The following SH3RF3 variants were observed in gnomAD, a reference collection of about 807,000 sequenced individuals.
SH3RF3 encodes the protein SH3 domain containing ring finger 3.
In SH3RF3, 29 loss-of-function variants were observed where a neutral mutation model predicts 66.3. The ratio of observed to expected loss-of-function variants is 0.44; its 90% CI spans 0.33 to 0.60. The LOEUF (loss-of-function observed/expected upper bound fraction) is 0.60. SH3RF3 is among the 20% of genes least tolerant of loss of function. The pLI is 0.04. For synonymous variants in SH3RF3, 583 were observed against 532.0 expected (o/e 1.10, Z -1.32); for missense variants, 1,194 against 1,190.9 (o/e 1.00, Z -0.04).
chr2:109,379,483 C>T (rs1272571712), intron 3 of SH3RF3, among the ~76,000 whole-genome samples: 1 of 152,194 alleles, frequency 6.6e-6, no homozygotes, highest in Non-Finnish European at 1.5e-5. Context: ...ACAGATGTGG[C>T]CGCTGCTTCT....
chr2:109,473,703 C>T (rs937642186), intron 8 of SH3RF3, among the ~76,000 whole-genome samples: 5 of 151,910 alleles, frequency 3.3e-5, no homozygotes, highest in African/African-American at 9.7e-5. Context: ...CTGCCGTGCC[C>T]AGCTCACTCA....
At chr2:109,159,348 C>T (rs916809950) in intron 1 of SH3RF3, among the ~76,000 whole-genome samples, 2 of 152,208 alleles carry the variant, frequency 1.3e-5, no homozygotes, top group Non-Finnish European at 2.9e-5. Flanking sequence ...CCTGCCCTGC[C>T]CAGCCCCAGG....
intron 1 of SH3RF3, among the ~76,000 whole-genome samples, chr2:109,290,231 C>G (rs927939069): frequency 6.6e-6 from 1 of 152,198 alleles, no homozygotes; most frequent in Non-Finnish European, 1.5e-5. Flanking sequence ...CACATCACAT[C>G]ATTCCTTCTC....
At chr2:109,480,637 G>T (rs529271297) in intron 8 of SH3RF3, among the ~76,000 whole-genome samples, 11 of 152,252 alleles carry the variant, frequency 7.2e-5, no homozygotes, top group African/African-American at 2.4e-4. Flanking sequence ...GGAGGAGGAG[G>T]AGGAGGATGG....
chr2:109,235,346 A>T (rs574370555), intron 1 of SH3RF3, among the ~76,000 whole-genome samples: 14 of 152,162 alleles, frequency 9.2e-5, no homozygotes, highest in Non-Finnish European at 2.1e-4. Flanking sequence ...AGGGATCTCT[A>T]AGGGCCACTA....
At chr2:109,394,989 C>T (rs1295755100) in intron 3 of SH3RF3, among the ~76,000 whole-genome samples, 3 of 152,238 alleles carry the variant, frequency 2.0e-5, no homozygotes, top group East Asian at 3.9e-4. Flanking sequence ...TGTGTGTGGC[C>T]GGTGAGGGTC....
intron 1 of SH3RF3, among the ~76,000 whole-genome samples, chr2:109,173,583 C>A (rs986444821): frequency 6.6e-6 from 1 of 152,146 alleles, no homozygotes; most frequent in Non-Finnish European, 1.5e-5. Context: ...GCGGGGAAGG[C>A]CACACAGACC....
intron 1 of SH3RF3, among the ~76,000 whole-genome samples, chr2:109,298,515 A>G (rs867015010): frequency 6.6e-6 from 1 of 152,102 alleles, no homozygotes; most frequent in Non-Finnish European, 1.5e-5. Flanking sequence ...ACTTTGCTCC[A>G]GGTGGTGAGC....
chr2:109,130,773 T>C (rs573097353), intron 1 of SH3RF3, among the ~76,000 whole-genome samples: 6 of 152,276 alleles, frequency 3.9e-5, no homozygotes, highest in African/African-American at 1.4e-4. Flanking sequence ...ATATTTATTA[T>C]TATTATTTTT....
chr2:109,150,083 C>T (rs539756228), intron 1 of SH3RF3, among the ~76,000 whole-genome samples: 7 of 152,298 alleles, frequency 4.6e-5, no homozygotes, highest in African/African-American at 1.4e-4. Context: ...GATGCCAGTG[C>T]TGGGGTGAGC....
chr2:109,365,886 G>A (rs1421125640), intron 2 of SH3RF3, among the ~76,000 whole-genome samples: 4 of 152,154 alleles, frequency 2.6e-5, no homozygotes, highest in African/African-American at 9.7e-5. Context: ...CAAAAGAAAA[G>A]TATATTTTTG....
chr2:109,287,148 T>TA (rs1240651125), intron 1 of SH3RF3, among the ~76,000 whole-genome samples: 2 of 152,184 alleles, frequency 1.3e-5, no homozygotes, highest in African/African-American at 2.4e-5. Context: ...TGTCCAGAGA[T>TA]AAAAAAGACC....
chr2:109,456,273 C>T (rs1016530034), intron 8 of SH3RF3, among the ~76,000 whole-genome samples: 18 of 152,306 alleles, frequency 1.2e-4, no homozygotes, highest in Admixed American at 5.2e-4. Flanking sequence ...CTGGGAGCAC[C>T]GGCGACTCCA....
At chr2:109,498,228 C>G (rs898271844) in intron 9 of SH3RF3, among the ~76,000 whole-genome samples, 1 of 152,202 alleles carries the variant, frequency 6.6e-6, no homozygotes, top group Non-Finnish European at 1.5e-5. Flanking sequence ...GTCCAACCAT[C>G]GTGCACCCGT....
intron 1 of SH3RF3, among the ~76,000 whole-genome samples, chr2:109,144,573 C>T (rs936053813): frequency 4.1e-4 from 63 of 152,316 alleles, no homozygotes; most frequent in African/African-American, 1.3e-3. Context: ...TTGCAAGCAG[C>T]GTTGGGAAAA....
chr2:109,488,926 G>A (rs1481138851), intron 8 of SH3RF3, among the ~76,000 whole-genome samples: 1 of 152,190 alleles, frequency 6.6e-6, no homozygotes, highest in African/African-American at 2.4e-5. Context: ...CTGGATCCCC[G>A]TGCTGCATGG....
At chr2:109,146,847 T>G (rs1053399292) in intron 1 of SH3RF3, among the ~76,000 whole-genome samples, 1 of 13,688 alleles carries the variant, frequency 7.3e-5, no homozygotes. Context: ...TCCCCTCCCC[T>G]CCCCTCCCTC....
intron 3 of SH3RF3, among the ~76,000 whole-genome samples, chr2:109,373,072 T>C (rs1683308767): frequency 6.6e-6 from 1 of 152,222 alleles, no homozygotes. Flanking sequence ...TTAGTTTGAA[T>C]GTGCTGCCCA....
chr2:109,189,114 G>A (rs186649604), intron 1 of SH3RF3, among the ~76,000 whole-genome samples: 1 of 152,142 alleles, frequency 6.6e-6, no homozygotes, highest in Admixed American at 6.5e-5. Context: ...TGCCTCCACT[G>A]CCTTGCTAGC....
Sources: gnomAD v4.1 joint callset for allele counts (sites outside exome capture counted in the v4.1 genomes callset) on GRCh38, gnomAD v4.1.1 for gene constraint, MANE v1.5 for transcripts, NCBI Gene and HGNC (gene_info 2026-07-23, HGNC 2026-07-21) for gene names.